The following ACSL6 variants were observed in gnomAD, a reference collection of about 807,000 sequenced individuals.
The protein encoded by ACSL6 is long-chain-fatty-acid--CoA ligase 6.
A neutral mutation model predicts 98.2 loss-of-function variants in ACSL6; 47 were observed. That is an observed-to-expected ratio of 0.48 (90% confidence interval 0.38 to 0.61). The LOEUF is 0.61. ACSL6 is among the 20% of genes least tolerant of loss of function. The pLI is 0.00. For missense variants in ACSL6, 761 were observed against 913.4 expected (o/e 0.83, Z 2.15); for synonymous variants, 362 against 336.9 (o/e 1.07, Z -0.82).
chr5:131,972,279 T>C (rs556802272), intron 13 of ACSL6, among the ~76,000 whole-genome samples: 3 of 152,280 alleles, frequency 2.0e-5, no homozygotes, highest in African/African-American at 4.8e-5. Context: ...TAATTCAAGA[T>C]TGGCCTGGTG....
intron 9 of ACSL6, among the ~76,000 whole-genome samples, chr5:131,981,192 T>G (rs926217005): frequency 1.3e-5 from 2 of 151,766 alleles, no homozygotes; most frequent in Non-Finnish European, 2.9e-5. Flanking sequence ...CTTTCTTCTG[T>G]CTCCAGTGGC....
chr5:132,007,976 A>T lies in ACSL6; in HGVS notation c.49+3529T>A, dbSNP rs530675073. Among the ~76,000 whole-genome samples, 38 of 152,284 alleles carry T rather than the reference A, an allele frequency of 2.5e-4. No homozygotes were observed. In the South Asian group the frequency reaches 6.6e-3, roughly 27 times the overall value. ...GGTCAACCCATGAATCCTTATAACC[A>T]CAAGGGACAGAACAATAGCTGGAGA... On this transcript the variant is annotated intron_variant, in intron 1 of 20. Transcript: ENST00000651883.
chr5:131,965,759 C>G (rs751017631), intron 17 of ACSL6, among the ~76,000 whole-genome samples: 1 of 152,228 alleles, frequency 6.6e-6, no homozygotes, highest in Non-Finnish European at 1.5e-5. Flanking sequence ...AGATCTTGCA[C>G]AACACAACAA....
chr5:131,990,229 C>T (rs1754432633), intron 3 of ACSL6, 65 bp from the exon 4 acceptor site: 26 of 1,537,218 alleles, frequency 1.7e-5, no homozygotes, highest in Non-Finnish European at 2.1e-5. Flanking sequence ...CCTGCATCCG[C>T]CCATCAGAAA....
intron 14 of ACSL6, 149 bp downstream of exon 14, chr5:131,971,399 GCT>G (rs1753299222): frequency 3.7e-6 from 2 of 544,996 alleles, no homozygotes; most frequent in South Asian, 1.3e-4. Flanking sequence ...GCTTTCACTG[GCT>G]CTGAGTTTTT....
chr5:131,968,019 C>T lies in ACSL6; in HGVS notation c.1517G>A (p.Gly506Glu). The T allele has an allele frequency of 6.2e-7, 1 of 1,613,750 alleles. No individual in the cohort carries two copies. The highest frequency in any genetic ancestry group is 8.5e-7 in the Non-Finnish European group (1 of 1,179,786). Residue 506 changes from glycine (G) to glutamate (E), a missense_variant, in exon 16 of 21, where the codon GGG (glycine) becomes GAG (glutamate). Transcript: ENST00000651883. The stretch of plus-strand genomic sequence containing the variant: ...GATATGATTGCAGGGAAGTGGCGCC[C>T]CTACGTGCCCTGGAACACCGGAGCA... ...TPGDWTSGHV[G>E]APLPCNHIKL...
At chr5:131,975,320 T>C in intron 10 of ACSL6, 1 of 985,382 alleles carries the variant, frequency 1.0e-6, no homozygotes, top group South Asian at 4.7e-5. Context: ...AAGTCTCCTC[T>C]CTGAGGGCCT....
At position 131,949,995 on chromosome 5, in the gene ACSL6, A is replaced by C. The variant is rs1436049131; in HGVS notation, c.*4239T>G. On this transcript the variant is annotated 3_prime_UTR_variant, in exon 21 of 21. Coordinates refer to ENST00000651883, the MANE Select transcript of ACSL6 (RefSeq NM_001009185.3). ...AACTTTGAGAAATGAAAAATCTTTTATTTTTTACAAAAATTTTCATAAATG... is the reference window on the plus strand; with the variant it reads ...AACTTTGAGAAATGAAAAATCTTTTCTTTTTTACAAAAATTTTCATAAATG... 1 of 173,024 alleles carries C rather than the reference A, an allele frequency of 5.8e-6. No individual in the cohort carries two copies. The highest frequency in any genetic ancestry group is 6.4e-5 in the Admixed American group (1 of 15,738). 10.7% of individuals were successfully genotyped at this position (173,024 alleles called of 1,614,324 possible).
intron 1 of ACSL6, among the ~76,000 whole-genome samples, chr5:132,002,903 T>G (rs1384376628): frequency 6.6e-6 from 1 of 152,162 alleles, no homozygotes; most frequent in Non-Finnish European, 1.5e-5. Context: ...TATATCTGCC[T>G]CATGCCTTCA....
intron 20 of ACSL6, among the ~76,000 whole-genome samples, 182 bp from the exon 21 acceptor site, chr5:131,954,553 T>A (rs575873109): frequency 1.3e-5 from 2 of 152,348 alleles, no homozygotes; most frequent in Admixed American, 1.3e-4. Flanking sequence ...ACTTTTTTCC[T>A]TCCTATTCAT....
rs899840842 is a variant in ACSL6 at position 131,985,497 on chromosome 5, G to C, written c.865-39C>G. 4.3e-6 allele frequency: 7 copies of C among 1,611,392 alleles called. No homozygotes were observed. The Admixed American group carries it at 1.0e-4, about 23-fold the overall frequency. ...AAGAGGAGTGTGTTAGGGAGACCCA[G>C]TGTGGCCAGCCAGGGCCCAAGATGC... On this transcript the variant is annotated intron_variant, in intron 8 of 20. Transcript: ENST00000651883.
chr5:131,981,306 C>T (rs1227321243), intron 9 of ACSL6, among the ~76,000 whole-genome samples: 1 of 146,960 alleles, frequency 6.8e-6, no homozygotes, highest in Admixed American at 6.8e-5. Context: ...CCTGCCATAC[C>T]TTCATAGTCA....
In ACSL6 at chr5:131,985,489, G is replaced by A. The variant is rs1438017708; in HGVS notation, c.865-31C>T. ...GGGGTGAGAAGAGGAGTGTGTTAGG[G>A]AGACCCAGTGTGGCCAGCCAGGGCC... On this transcript the variant is annotated intron_variant, in intron 8 of 20. Transcript: ENST00000651883. 3 of 1,612,652 alleles carry A rather than the reference G, an allele frequency of 1.9e-6. No individual in the cohort carries two copies. The Admixed American group carries it at 5.0e-5, about 27-fold the overall frequency.
rs1580636420 is a variant in ACSL6 at position 131,966,670 on chromosome 5, G to T, written c.1597-138C>A. ...TGGATATGGCAGGGATGGAAACAGAGGACAAGGAACAGCCAGCAGCCATCT... is the reference window on the plus strand; with the variant it reads ...TGGATATGGCAGGGATGGAAACAGATGACAAGGAACAGCCAGCAGCCATCT... On this transcript the variant is annotated intron_variant, in intron 16 of 20. Coordinates refer to ENST00000651883, the MANE Select transcript of ACSL6 (RefSeq NM_001009185.3). 44 of 762,146 alleles carry T rather than the reference G, an allele frequency of 5.8e-5. No individual in the cohort carries two copies. The East Asian group carries it at 1.1e-3, about 18-fold the overall frequency. The allele number at this position is 762,146 out of a possible 1,614,324, so 47.2% of individuals were successfully genotyped here. A position where few individuals can be genotyped will look rare whatever the true frequency, so the allele number is the denominator to read the frequency against.
At chr5:131,975,521 A>C (rs1286427813) in intron 10 of ACSL6, 18 of 985,308 alleles carry the variant, frequency 1.8e-5, no homozygotes, top group Non-Finnish European at 1.8e-5. Flanking sequence ...AGTCTATGCA[A>C]CTGTGGCTGG....
intron 1 of ACSL6, among the ~76,000 whole-genome samples, chr5:132,002,620 G>A (rs1392806057): frequency 1.3e-5 from 2 of 152,194 alleles, no homozygotes; most frequent in South Asian, 2.1e-4. Flanking sequence ...ACAAAAGACA[G>A]AACCTGAGAC....
intron 19 of ACSL6, 174 bp from the exon 20 acceptor site, chr5:131,959,781 C>G (rs1484056733): frequency 2.0e-5 from 13 of 638,362 alleles, no homozygotes; most frequent in South Asian, 1.5e-4. Context: ...CACCTCTCAT[C>G]TGGCAAGTAA....
At position 131,959,532 on chromosome 5, in the gene ACSL6, T is replaced by C; in HGVS notation, c.2031+4A>G. 6.2e-7 allele frequency: 1 copy of C among 1,614,070 alleles called. No homozygotes were observed. Among genetic ancestry groups the C allele is most frequent in the Non-Finnish European group, 8.5e-7 (1 of 1,179,930 alleles). ...GTAACGAGTATGGGGAAGGTAACAG[T>C]TACCTGCTCAAAAGAATGGAGTCCA... On this transcript the variant is annotated splice_donor_region_variant and intron_variant, in intron 20 of 20. Transcript: ENST00000651883.
Position 131,960,544 on chromosome 5 carries a change from T to C in ACSL6, c.1935A>G (p.Thr645=), listed in dbSNP as rs1332880715. ...SWAQKRGIEG[T]YADLCTNKDL... ...CCTTATTTGTGCAGAGATCTGCATA[T>C]GTTCCTTCAATTCCTCTCTTCTGGG... The change falls in exon 19 of 21, where the codon ACA becomes ACG. Residue 645 remains threonine (T), a synonymous_variant. Coordinates refer to ENST00000651883, the MANE Select transcript of ACSL6 (RefSeq NM_001009185.3). 6 of 1,613,964 alleles carry C rather than the reference T, an allele frequency of 3.7e-6. 1 individual carries two copies. In the African/African-American group the frequency reaches 5.3e-5, roughly 14 times the overall value.
Sources: allele counts gnomAD v4.1 joint callset (sites outside exome capture counted in the v4.1 genomes callset), GRCh38; gene constraint gnomAD v4.1.1; transcripts MANE v1.5; gene names NCBI Gene and HGNC (gene_info 2026-07-23, HGNC 2026-07-21).